The following MAGI2 variants were observed in gnomAD, a reference collection of about 807,000 sequenced individuals.
MAGI2 encodes membrane-associated guanylate kinase, WW and PDZ domain-containing protein 2.
MAGI2 carries 35 observed loss-of-function variants against 133.3 expected under a neutral mutation model. That is an observed-to-expected ratio of 0.26 (90% CI 0.20 to 0.35). The LOEUF is 0.35. Among genes scored for constraint, MAGI2 ranks in the 10% least tolerant of loss-of-function variants. The probability of loss-of-function intolerance (pLI) is 1.00; values close to 1 mark genes in which losing one functional copy is unlikely to be tolerated. For synonymous variants in MAGI2, 729 were observed against 710.6 expected, an observed-to-expected ratio of 1.03 and a Z score of -0.41; for missense variants, 1,636 against 1,863.4, an observed-to-expected ratio of 0.88 and a Z score of 2.25.
intron 2 of MAGI2, among the ~76,000 whole-genome samples, chr7:78,810,635 G>C (rs1788966438): frequency 6.6e-6 from 1 of 151,952 alleles, no homozygotes; most frequent in South Asian, 2.1e-4. Flanking sequence ...TACTAGAATG[G>C]GAAAATTGGA....
At chr7:78,391,367 T>C (rs1795884084) in intron 6 of MAGI2, among the ~76,000 whole-genome samples, 1 of 108,882 alleles carries the variant, frequency 9.2e-6, no homozygotes, top group African/African-American at 3.1e-5. Context: ...AAGAGAAACA[T>C]TTAGAAACTT....
chr7:78,520,300 A>C (rs1007997357), intron 4 of MAGI2, among the ~76,000 whole-genome samples: 1 of 152,198 alleles, frequency 6.6e-6, no homozygotes, highest in South Asian at 2.1e-4. Flanking sequence ...TTGAAAAAGG[A>C]AGATAAAAAG....
At chr7:79,147,962 G>A (rs1239766594) in intron 1 of MAGI2, among the ~76,000 whole-genome samples, 2 of 152,122 alleles carry the variant, frequency 1.3e-5, no homozygotes, top group African/African-American at 4.8e-5. Context: ...TGAAACATTG[G>A]CTTGCTTGCT....
chr7:78,691,658 A>T (rs1052131930), intron 2 of MAGI2, among the ~76,000 whole-genome samples: 1 of 152,158 alleles, frequency 6.6e-6, no homozygotes, highest in African/African-American at 2.4e-5. Flanking sequence ...TTTAGTGAAA[A>T]ACTAGAGAAA....
rs566690586 is a variant in MAGI2 at position 79,086,803 on chromosome 7, T to C, written c.302-79597A>G. Reference sequence around the variant, plus strand: ...AACTTTTTATGAAACAATAAGAGTATGCATTTTTAAGTATGTAAAAGATTC... The same window carrying C: ...AACTTTTTATGAAACAATAAGAGTACGCATTTTTAAGTATGTAAAAGATTC... On this transcript the variant is annotated intron_variant, in intron 1 of 21. Transcript: ENST00000354212. 1.3e-4 allele frequency among the ~76,000 whole-genome samples: 20 copies of C among 151,956 alleles called. No individual in the cohort carries two copies. The South Asian group carries it at 1.9e-3, about 14-fold the overall frequency.
At chr7:78,624,658 A>G (rs1808132438) in intron 3 of MAGI2, among the ~76,000 whole-genome samples, 1 of 152,042 alleles carries the variant, frequency 6.6e-6, no homozygotes, top group African/African-American at 2.4e-5. Flanking sequence ...GGGTGCTGAG[A>G]AGAGGGAGAG....
chr7:78,889,824 C>T (rs1020950935), intron 2 of MAGI2, among the ~76,000 whole-genome samples: 27 of 152,124 alleles, frequency 1.8e-4, no homozygotes, highest in African/African-American at 5.1e-4. Flanking sequence ...CATCAACTAA[C>T]GAGCAAAATA....
chr7:79,101,491 G>A (rs11765068), intron 1 of MAGI2, among the ~76,000 whole-genome samples: 2 of 152,090 alleles, frequency 1.3e-5, no homozygotes, highest in African/African-American at 4.8e-5. Context: ...TTGGGAGGCC[G>A]AGGTGGGCGG....
At chr7:78,588,633 C>A (rs576904688) in intron 3 of MAGI2, among the ~76,000 whole-genome samples, 9 of 152,186 alleles carry the variant, frequency 5.9e-5, no homozygotes, top group Admixed American at 1.3e-4. Flanking sequence ...GAGCCTCTTA[C>A]TTCCAGCTTC....
chr7:78,854,984 C>A (rs1217816259), intron 2 of MAGI2, among the ~76,000 whole-genome samples: 4 of 151,954 alleles, frequency 2.6e-5, no homozygotes, highest in African/African-American at 7.2e-5. Context: ...TCCTGAGTAA[C>A]TGAGATTACA....
At chr7:78,860,879 C>T (rs1794098429) in intron 2 of MAGI2, among the ~76,000 whole-genome samples, 2 of 152,170 alleles carry the variant, frequency 1.3e-5, no homozygotes, top group Non-Finnish European at 2.9e-5. Flanking sequence ...CCTTGAGCTG[C>T]AGTGGGCTCC....
intron 6 of MAGI2, among the ~76,000 whole-genome samples, chr7:78,424,781 C>T (rs1362521711): frequency 6.6e-6 from 1 of 152,092 alleles, no homozygotes; most frequent in East Asian, 1.9e-4. Context: ...GGTCTGTAGC[C>T]CCTTTGTTTT....
intron 2 of MAGI2, among the ~76,000 whole-genome samples, chr7:78,905,382 CA>C (rs1172867292): frequency 6.6e-6 from 1 of 152,224 alleles, no homozygotes; most frequent in African/African-American, 2.4e-5. Context: ...TTGCTTACTT[CA>C]AAGTCTGCTT....
At chr7:78,055,157 T>A (rs1812435135) in intron 21 of MAGI2, among the ~76,000 whole-genome samples, 1 of 152,176 alleles carries the variant, frequency 6.6e-6, no homozygotes, top group African/African-American at 2.4e-5. Context: ...GGCACAATCA[T>A]GCTTGCAAAT....
intron 7 of MAGI2, among the ~76,000 whole-genome samples, chr7:78,350,756 TAGG>T (rs916299999): frequency 1.2e-4 from 18 of 152,144 alleles, no homozygotes; most frequent in African/African-American, 4.3e-4. Context: ...AGGGAGGAAT[TAGG>T]AGGAAAGTCT....
intron 1 of MAGI2, among the ~76,000 whole-genome samples, chr7:79,310,383 T>G (rs1232039991): frequency 6.6e-6 from 1 of 151,972 alleles, no homozygotes; most frequent in Non-Finnish European, 1.5e-5. Context: ...CAAAATTTAG[T>G]GTGCATCAGA....
chr7:78,878,196 G>C (rs1254735984), intron 2 of MAGI2, among the ~76,000 whole-genome samples: 1 of 152,160 alleles, frequency 6.6e-6, no homozygotes, highest in African/African-American at 2.4e-5. Context: ...ATATATGCCT[G>C]ACTCAATGAA....
intron 16 of MAGI2, among the ~76,000 whole-genome samples, chr7:78,156,944 C>T (rs548780627): frequency 2.6e-4 from 39 of 152,178 alleles, no homozygotes; most frequent in Non-Finnish European, 5.1e-4. Flanking sequence ...TGGGAATGAT[C>T]GTGATTCTTA....
chr7:79,356,970 A>G (rs560735775), intron 1 of MAGI2, among the ~76,000 whole-genome samples: 15 of 152,316 alleles, frequency 9.8e-5, no homozygotes, highest in African/African-American at 3.6e-4. Flanking sequence ...AAGGAGAAGA[A>G]ATTTCCATGT....
Sources: allele counts gnomAD v4.1 joint callset (sites outside exome capture counted in the v4.1 genomes callset), GRCh38; gene constraint gnomAD v4.1.1; transcripts MANE v1.5; gene names NCBI Gene and HGNC (gene_info 2026-07-23, HGNC 2026-07-21).